Variants in RGL1 observed in about 807,000 individuals in gnomAD.
The protein encoded by RGL1 is ral guanine nucleotide dissociation stimulator-like 1.
Under a neutral mutation model 95.2 loss-of-function variants are expected in RGL1, and 24 were observed. That is an observed-to-expected ratio of 0.25 (90% CI 0.18 to 0.35). The LOEUF is 0.35. Ranked by LOEUF, RGL1 falls within the 10% of genes least tolerant of loss-of-function variation. The pLI, the probability that RGL1 is intolerant of heterozygous loss-of-function variation, is 1.00. For missense variants in RGL1, 715 were observed against 936.3 expected (o/e 0.76, Z 3.08); for synonymous variants, 329 against 344.9 (o/e 0.95, Z 0.51).
At chr1:183,849,512 G>C (rs574340709) in intron 3 of RGL1, among the ~76,000 whole-genome samples, 2 of 41,312 alleles carry the variant, frequency 4.8e-5, no homozygotes, top group South Asian at 1.8e-3. Context: ...TTTTTGTTGA[G>C]ATGGCATCTC....
intron 1 of RGL1, among the ~76,000 whole-genome samples, chr1:183,705,762 T>A (rs1341475309): frequency 2.6e-5 from 4 of 152,194 alleles, no homozygotes; most frequent in African/African-American, 9.7e-5. Flanking sequence ...TTAATGAGCC[T>A]GAGGTCCTGG....
At chr1:183,915,426 T>C (rs2102740675) in intron 15 of RGL1, among the ~76,000 whole-genome samples, 1 of 152,366 alleles carries the variant, frequency 6.6e-6, no homozygotes, top group East Asian at 1.9e-4. Context: ...CTTTCTTTGG[T>C]TATTGGTATT....
At chr1:183,859,688 A>G (rs965694098) in intron 3 of RGL1, among the ~76,000 whole-genome samples, 1 of 152,210 alleles carries the variant, frequency 6.6e-6, no homozygotes, top group Non-Finnish European at 1.5e-5. Context: ...GGCCTAGAGA[A>G]CTAACCCTCA....
chr1:183,866,188 A>G (rs1390278272), intron 4 of RGL1, 115 bp downstream of exon 4: 2 of 770,558 alleles, frequency 2.6e-6, no homozygotes, highest in Non-Finnish European at 4.3e-6. Flanking sequence ...TCCATAGTGC[A>G]TACAGAGGCT....
intron 2 of RGL1, among the ~76,000 whole-genome samples, chr1:183,844,221 C>T (rs1048183998): frequency 1.3e-5 from 2 of 152,168 alleles, no homozygotes; most frequent in Non-Finnish European, 2.9e-5. Context: ...AAACACAAAA[C>T]ATCCTGACAT....
chr1:183,851,973 T>C (rs1664851395), intron 3 of RGL1, among the ~76,000 whole-genome samples: 1 of 152,244 alleles, frequency 6.6e-6, no homozygotes, highest in Non-Finnish European at 1.5e-5. Context: ...GGTAGACTTG[T>C]TTATGGGTCT....
At chr1:183,646,146 T>C (rs1409435180) in intron 1 of RGL1, among the ~76,000 whole-genome samples, 1 of 152,206 alleles carries the variant, frequency 6.6e-6, no homozygotes, top group Non-Finnish European at 1.5e-5. Flanking sequence ...GTATCCCAAA[T>C]TGTGGACATA....
At position 183,798,223 on chromosome 1, in the gene RGL1, A is replaced by G. The variant is rs141326893; in HGVS notation, c.133-8152A>G. The stretch of plus-strand genomic sequence containing the variant: ...TGCCCTCTCAGGACTGCTTTCTTCT[A>G]AACTTTTGACTGGGCATAGGACATT... On this transcript the variant is annotated intron_variant, in intron 2 of 18. Coordinates refer to the RGL1 transcript ENST00000304685. Among the ~76,000 whole-genome samples the G allele has an allele frequency of 1.6e-4, 24 of 152,258 alleles. 1 individual carries two copies. The highest frequency in any genetic ancestry group is 5.8e-4 in the African/African-American group (24 of 41,546).
At chr1:183,921,699 C>T (rs1669316633) in intron 16 of RGL1, among the ~76,000 whole-genome samples, 1 of 152,134 alleles carries the variant, frequency 6.6e-6, no homozygotes, top group African/African-American at 2.4e-5. Context: ...GTGTACAAGT[C>T]CTTTTGTGGA....
At chr1:183,795,612 A>G (rs1364420825) in intron 2 of RGL1, among the ~76,000 whole-genome samples, 1 of 152,198 alleles carries the variant, frequency 6.6e-6, no homozygotes, top group Non-Finnish European at 1.5e-5. Context: ...AGAGGCAGGC[A>G]GGGGCTAACC....
At chr1:183,881,291 GTGTTTGTCCTT>G (rs1666812124) in intron 5 of RGL1, among the ~76,000 whole-genome samples, 1 of 152,190 alleles carries the variant, frequency 6.6e-6, no homozygotes, top group African/African-American at 2.4e-5. Flanking sequence ...CTTGGAAAAG[GTGTTTGTCCTT>G]CAGTATGGAA....
At chr1:183,826,077 G>A (rs1445611280) in intron 2 of RGL1, among the ~76,000 whole-genome samples, 2 of 135,428 alleles carry the variant, frequency 1.5e-5, no homozygotes, top group African/African-American at 5.3e-5. Context: ...TTTTTGAGAC[G>A]GAGTCTCACT....
chr1:183,850,834 C>T (rs529908401), intron 3 of RGL1, among the ~76,000 whole-genome samples: 43 of 152,172 alleles, frequency 2.8e-4, no homozygotes, highest in Non-Finnish European at 4.0e-4. Flanking sequence ...CTGTTCAAAA[C>T]GTTAAAAAAC....
At chr1:183,798,925 G>C (rs1660837792) in intron 2 of RGL1, among the ~76,000 whole-genome samples, 1 of 143,496 alleles carries the variant, frequency 7.0e-6, no homozygotes, top group Non-Finnish European at 1.5e-5. Flanking sequence ...CTGTCGCCCA[G>C]GCTGAGTCTT....
chr1:183,756,882 C>T (rs1330011472), intron 2 of RGL1, among the ~76,000 whole-genome samples: 1 of 152,140 alleles, frequency 6.6e-6, no homozygotes, highest in Non-Finnish European at 1.5e-5. Flanking sequence ...TGATGATTGA[C>T]TGATGAATTA....
In RGL1 at chr1:183,880,358, G is replaced by A. The variant is rs181934135; in HGVS notation, c.426-258G>A. 2.1e-3 allele frequency among the ~76,000 whole-genome samples: 284 copies of A among 136,834 alleles called. 1 individual carries two copies. Among genetic ancestry groups the A allele is most frequent in the Middle Eastern group, 0.011 (3 of 270 alleles). The allele number at this position is 136,834 out of a possible 152,430, so 89.8% of individuals were successfully genotyped here. On this transcript the variant is annotated intron_variant, in intron 4 of 17. Coordinates refer to ENST00000360851, the MANE Select transcript of RGL1 (RefSeq NM_001297671.3). ...CCTGTATGGGTTTTTCCAAAGTTTAGCCTCCTTAAAACAAACAAACAACAA... is the reference window on the plus strand; with the variant it reads ...CCTGTATGGGTTTTTCCAAAGTTTAACCTCCTTAAAACAAACAAACAACAA...
At position 183,916,312 on chromosome 1, in the gene RGL1, C is replaced by T. The variant is rs1572601094; in HGVS notation, c.1750-135C>T. 15 of 1,036,428 alleles carry T rather than the reference C, an allele frequency of 1.4e-5. No homozygotes were observed. In the East Asian group the frequency reaches 3.6e-4, roughly 25 times the overall value. 64.2% of individuals were successfully genotyped at this position (1,036,428 alleles called of 1,614,324 possible). ...GAGTACTTACACCAGGGATGAGACA[C>T]ATGTGTGCTGTGGGCTGTTGTGGAG... On this transcript the variant is annotated intron_variant, in intron 15 of 17. Transcript: ENST00000360851.
intron 1 of RGL1, among the ~76,000 whole-genome samples, chr1:183,668,870 T>C (rs1354400001): frequency 6.6e-6 from 1 of 151,980 alleles, no homozygotes; most frequent in East Asian, 1.9e-4. Flanking sequence ...CCCCCAGCTT[T>C]TGGATATTCT....
At chr1:183,696,069 C>T (rs1406306552) in intron 1 of RGL1, among the ~76,000 whole-genome samples, 4 of 152,168 alleles carry the variant, frequency 2.6e-5, no homozygotes, top group Admixed American at 2.6e-4. Context: ...CCTCTTCTCT[C>T]CTAAGCCCAG....
Sources: gnomAD v4.1 joint callset for allele counts (sites outside exome capture counted in the v4.1 genomes callset) on GRCh38, gnomAD v4.1.1 for gene constraint, MANE v1.5 for transcripts, NCBI Gene and HGNC (gene_info 2026-07-23, HGNC 2026-07-21) for gene names.